VPS13B: variants seen among roughly 807,000 people sequenced by gnomAD.
VPS13B encodes intermembrane lipid transfer protein VPS13B.
In VPS13B, 285 loss-of-function variants were observed where a neutral mutation model predicts 426.4. The ratio of observed to expected loss-of-function variants is 0.67; its 90% CI spans 0.61 to 0.74. The LOEUF is 0.74. Among genes scored for constraint, VPS13B ranks in the 30% least tolerant of loss-of-function variants. The pLI, the probability that VPS13B is intolerant of heterozygous loss-of-function variation, is 0.00. For missense variants in VPS13B, 4,537 were observed against 4,782.6 expected (o/e 0.95, Z 1.51); for synonymous variants, 1,676 against 1,676.4 (o/e 1.00, Z 0.01).
chr8:99,029,275 A>T (rs995488624), intron 2 of VPS13B, among the ~76,000 whole-genome samples: 19 of 138,538 alleles, frequency 1.4e-4, no homozygotes, highest in African/African-American at 3.9e-4. Flanking sequence ...CCGGGCAGAG[A>T]CGCTCCTCAC....
intron 35 of VPS13B, among the ~76,000 whole-genome samples, chr8:99,662,713 G>A (rs532891946): frequency 6.6e-6 from 1 of 152,104 alleles, no homozygotes; most frequent in South Asian, 2.1e-4. Context: ...TTCCTAACGT[G>A]CTGGGATTAC....
At chr8:99,595,480 C>A (rs934383356) in intron 33 of VPS13B, among the ~76,000 whole-genome samples, 4 of 151,754 alleles carry the variant, frequency 2.6e-5, no homozygotes, top group Non-Finnish European at 4.4e-5. Flanking sequence ...CAAAATGGAT[C>A]AAAGACCTAA....
At chr8:99,407,201 C>T (rs1815379313) in intron 21 of VPS13B, among the ~76,000 whole-genome samples, 1 of 152,066 alleles carries the variant, frequency 6.6e-6, no homozygotes, top group East Asian at 1.9e-4. Flanking sequence ...AAATTGGTAG[C>T]CAGGGAAACA....
chr8:99,027,399 G>T (rs1201873566), intron 2 of VPS13B, among the ~76,000 whole-genome samples: 3 of 151,472 alleles, frequency 2.0e-5, no homozygotes, highest in African/African-American at 4.9e-5. Flanking sequence ...TTTCTGTGGT[G>T]ATAAGTTTTA....
chr8:99,433,793 A>G (rs1817235919), intron 22 of VPS13B, among the ~76,000 whole-genome samples: 1 of 151,830 alleles, frequency 6.6e-6, no homozygotes. Context: ...TTCATTTTCC[A>G]GTTAACTTTT....
chr8:99,605,863 C>A (rs1190984251), intron 33 of VPS13B, among the ~76,000 whole-genome samples: 1 of 151,984 alleles, frequency 6.6e-6, no homozygotes, highest in Non-Finnish European at 1.5e-5. Context: ...AAGTAAGAGG[C>A]CTTGGAGCTG....
intron 19 of VPS13B, among the ~76,000 whole-genome samples, chr8:99,372,364 A>G (rs966609857): frequency 3.9e-5 from 6 of 152,208 alleles, no homozygotes; most frequent in African/African-American, 1.4e-4. Context: ...CTATCATCAG[A>G]GTGAACATGC....
At chr8:99,367,003 C>A (rs1380795393) in intron 19 of VPS13B, among the ~76,000 whole-genome samples, 1 of 152,160 alleles carries the variant, frequency 6.6e-6, no homozygotes, top group African/African-American at 2.4e-5. Flanking sequence ...ATTGGTTCAT[C>A]TTTTAATCTT....
At chr8:99,254,860 C>T (rs1817669344) in intron 17 of VPS13B, among the ~76,000 whole-genome samples, 1 of 152,048 alleles carries the variant, frequency 6.6e-6, no homozygotes, top group Non-Finnish European at 1.5e-5. Context: ...CCAGGCTGGT[C>T]CCAAACTTCT....
intron 19 of VPS13B, among the ~76,000 whole-genome samples, chr8:99,377,852 G>T (rs1258374693): frequency 6.6e-6 from 1 of 152,144 alleles, no homozygotes; most frequent in Non-Finnish European, 1.5e-5. Flanking sequence ...AGATCACATG[G>T]TTCAAGGGCA....
At chr8:99,558,729 G>A (rs1824725876) in intron 31 of VPS13B, among the ~76,000 whole-genome samples, 1 of 152,204 alleles carries the variant, frequency 6.6e-6, no homozygotes, top group African/African-American at 2.4e-5. Context: ...TCCCTACAAA[G>A]GACGTGAACT....
At chr8:99,721,169 C>CTG in intron 39 of VPS13B, 122 bp downstream of exon 39, 1 of 1,023,640 alleles carries the variant, frequency 9.8e-7, no homozygotes, top group Admixed American at 1.8e-5. Context: ...AAATACACAT[C>CTG]TGTGTGTGTG....
intron 16 of VPS13B, among the ~76,000 whole-genome samples, chr8:99,186,947 G>T (rs1301983561): frequency 6.6e-6 from 1 of 152,036 alleles, no homozygotes; most frequent in Non-Finnish European, 1.5e-5. Flanking sequence ...ATATAAGCTG[G>T]CTTGAAAGGG....
chr8:99,692,427 C>T (rs1297904508), intron 35 of VPS13B, among the ~76,000 whole-genome samples: 1 of 143,220 alleles, frequency 7.0e-6, no homozygotes, highest in Non-Finnish European at 1.5e-5. Flanking sequence ...ACTGAACAAC[C>T]TGCTCCTGAA....
At chr8:99,701,330 A>G (rs1333078319) in intron 36 of VPS13B, among the ~76,000 whole-genome samples, 7 of 152,176 alleles carry the variant, frequency 4.6e-5, no homozygotes, top group African/African-American at 1.7e-4. Flanking sequence ...TTGTACCTCA[A>G]TCATAGCAGG....
chr8:99,402,120 G>C (rs951771935), intron 21 of VPS13B, among the ~76,000 whole-genome samples: 8 of 152,180 alleles, frequency 5.3e-5, no homozygotes, highest in Non-Finnish European at 1.0e-4. Flanking sequence ...CTGTGGTGCA[G>C]ATTCACTGTG....
intron 40 of VPS13B, 82 bp downstream of exon 40, chr8:99,767,052 T>C: frequency 7.3e-7 from 1 of 1,368,796 alleles, no homozygotes; most frequent in Non-Finnish European, 1.0e-6. Flanking sequence ...GACCCCTCAC[T>C]TAACTGTATC....
chr8:99,612,547 T>A (rs1827889299), intron 33 of VPS13B, among the ~76,000 whole-genome samples: 1 of 152,210 alleles, frequency 6.6e-6, no homozygotes, highest in African/African-American at 2.4e-5. Context: ...TAGGGTCATT[T>A]CAGTCCTTTC....
intron 19 of VPS13B, among the ~76,000 whole-genome samples, chr8:99,299,748 A>G (rs1466007449): frequency 2.6e-5 from 4 of 152,008 alleles, no homozygotes; most frequent in Non-Finnish European, 5.9e-5. Context: ...AGTCTCTACT[A>G]AAAATACAAA....
Sources: allele counts gnomAD v4.1 joint callset (sites outside exome capture counted in the v4.1 genomes callset), GRCh38; gene constraint gnomAD v4.1.1; transcripts MANE v1.5; gene names NCBI Gene and HGNC (gene_info 2026-07-23, HGNC 2026-07-21).